MARK4: variants seen among roughly 807,000 people sequenced by gnomAD.
MARK4 encodes microtubule affinity regulating kinase 4.
A neutral mutation model predicts 81.5 loss-of-function variants in MARK4; 19 were observed. The ratio of observed to expected loss-of-function variants is 0.23; its 90% CI spans 0.16 to 0.34. The LOEUF is 0.34. Ranked by LOEUF, MARK4 falls within the 10% of genes least tolerant of loss-of-function variation. The probability of loss-of-function intolerance (pLI) is 1.00; values close to 1 mark genes in which losing one functional copy is unlikely to be tolerated. For missense variants in MARK4, 772 were observed against 1,058.8 expected, an observed-to-expected ratio of 0.73 and a Z score of 3.76; for synonymous variants, 436 against 439.0, an observed-to-expected ratio of 0.99 and a Z score of 0.08.
intron 2 of MARK4, chr19:45,262,900 G>A (rs1970397890): frequency 1.9e-6 from 1 of 534,486 alleles, no homozygotes; most frequent in Admixed American, 3.1e-5. Context: ...GAGTAGCTGG[G>A]ATTACAGGTG....
chr19:45,294,777 C>A (rs1267545426), intron 14 of MARK4, among the ~76,000 whole-genome samples: 1 of 152,174 alleles, frequency 6.6e-6, no homozygotes, highest in African/African-American at 2.4e-5. Context: ...ATCTGGTTGG[C>A]TGGTTTTCCG....
intron 12 of MARK4, among the ~76,000 whole-genome samples, chr19:45,281,862 G>A (rs933169500): frequency 6.6e-5 from 10 of 152,150 alleles, no homozygotes; most frequent in Non-Finnish European, 7.3e-5. Context: ...AGAGCTGGGC[G>A]GACAGCTGAT....
At chr19:45,283,126 C>T (rs1970697793) in intron 12 of MARK4, among the ~76,000 whole-genome samples, 1 of 151,962 alleles carries the variant, frequency 6.6e-6, no homozygotes, top group Non-Finnish European at 1.5e-5. Flanking sequence ...AATCAACTTC[C>T]AGGCAGGGCA....
chr19:45,283,229 G>A (rs927357287), intron 12 of MARK4, among the ~76,000 whole-genome samples: 11 of 151,724 alleles, frequency 7.3e-5, no homozygotes, highest in Non-Finnish European at 1.6e-4. Context: ...GCAACATGGC[G>A]AAACCCCATC....
In MARK4 at chr19:45,251,565, C is replaced by T. The variant is rs773873870; in HGVS notation, c.-24C>T. On this transcript the variant is annotated 5_prime_UTR_variant, in exon 1 of 17. Transcript: ENST00000262891. ...CCCCCGCCCCCCCCACCCGGCCGCC[C>T]CTGCCCCCCGGGACCCGGAGAAGAT... 34 of 1,343,822 alleles carry T rather than the reference C, an allele frequency of 2.5e-5. No homozygotes were observed. Among genetic ancestry groups the T allele is most frequent in the Admixed American group, 3.9e-5 (1 of 25,340 alleles). 83.2% of individuals were successfully genotyped at this position (1,343,822 alleles called of 1,614,324 possible).
At chr19:45,301,611 A>G (rs907294332) in intron 16 of MARK4, among the ~76,000 whole-genome samples, 17 of 147,038 alleles carry the variant, frequency 1.2e-4, no homozygotes, top group African/African-American at 4.3e-4. Context: ...CTGTAATCCC[A>G]GCACTTTGGG....
chr19:45,276,515 A>G (rs1970599482), intron 8 of MARK4, among the ~76,000 whole-genome samples: 1 of 151,858 alleles, frequency 6.6e-6, no homozygotes. Flanking sequence ...GGGAGGGGAG[A>G]GACGAGAAGG....
intron 13 of MARK4, among the ~76,000 whole-genome samples, chr19:45,293,315 A>G (rs1039751630): frequency 1.3e-5 from 2 of 152,190 alleles, no homozygotes; most frequent in East Asian, 1.9e-4. Flanking sequence ...GTAAAAATCA[A>G]TTAAGGAAAA....
chr19:45,294,475 G>A (rs758130644), intron 14 of MARK4, 23 bp downstream of exon 14: 1 of 1,604,034 alleles, frequency 6.2e-7, no homozygotes, highest in Non-Finnish European at 8.5e-7. Context: ...CAGCAACAGG[G>A]TGAGGGGTGG....
intron 15 of MARK4, chr19:45,298,232 G>C (rs758321955): frequency 6.2e-7 from 1 of 1,613,696 alleles, no homozygotes; most frequent in Non-Finnish European, 8.5e-7. Context: ...AGTAAGTCCC[G>C]TCCATGCCCT....
Position 45,302,367 on chromosome 19 carries a change from G to T in MARK4, c.1923-7G>T, listed in dbSNP as rs1202806326. 6.2e-7 allele frequency: 1 copy of T among 1,614,036 alleles called. No individual in the cohort carries two copies. The highest frequency in any genetic ancestry group is 8.5e-7 in the Non-Finnish European group (1 of 1,179,948). On this transcript the variant is annotated splice_region_variant and splice_polypyrimidine_tract_variant and intron_variant, in intron 16 of 16. Transcript: ENST00000262891. This position sits in a 1 kb window ranked among gnomAD's most constrained non-coding sequence, Gnocchi z 4.9. ...CATCTCTGACCCCTGACATCTTCTC[G>T]CCTCAGTTGCCATCTACCTTGGGAT...
At chr19:45,289,592 A>G (rs1599799214) in intron 13 of MARK4, among the ~76,000 whole-genome samples, 1 of 151,622 alleles carries the variant, frequency 6.6e-6, no homozygotes, top group African/African-American at 2.4e-5. Flanking sequence ...CACCATGGTG[A>G]AACCCCATTT....
intron 13 of MARK4, among the ~76,000 whole-genome samples, chr19:45,291,565 G>T (rs1970820986): frequency 6.6e-6 from 1 of 152,080 alleles, no homozygotes; most frequent in Admixed American, 6.5e-5. Context: ...GGCGGATCAC[G>T]AGGTCAGGAG....
intron 13 of MARK4, among the ~76,000 whole-genome samples, chr19:45,292,936 A>G (rs903638978): frequency 1.3e-5 from 2 of 152,044 alleles, no homozygotes; most frequent in Non-Finnish European, 2.9e-5. Flanking sequence ...AAGAGGTACA[A>G]TAAAGCAACA....
Position 45,298,056 on chromosome 19 carries a change from TTCCTCCTCCTCCTCCTCCTCGTTTCC to T in MARK4, c.1877+119_1877+144del, listed in dbSNP as rs1970913488. ...GTCTCCTGTACCCCAACATTTCCTC[TTCCTCCTCCTCCTCCTCCTCGTTTCC>T]TCCTCCTCCTCCTCCTTTCCTCCTC... On this transcript the variant is annotated intron_variant, in intron 15 of 16. Coordinates refer to ENST00000262891, the MANE Select transcript of MARK4 (RefSeq NM_001199867.2). 234 of 1,491,528 alleles carry T rather than the reference TTCCTCCTCCTCCTCCTCCTCGTTTCC, an allele frequency of 1.6e-4. No homozygotes were observed. The South Asian group carries it at 2.4e-3, about 15-fold the overall frequency. The allele number at this position is 1,491,528 out of a possible 1,614,324, so 92.4% of individuals were successfully genotyped here. A position where few individuals can be genotyped will look rare whatever the true frequency, so the allele number is the denominator to read the frequency against.
intron 7 of MARK4, among the ~76,000 whole-genome samples, chr19:45,270,794 G>T (rs754806238): frequency 6.6e-6 from 1 of 151,822 alleles, no homozygotes; most frequent in African/African-American, 2.4e-5. Flanking sequence ...TTTTGAGACG[G>T]AGTTTCGCTC....
chr19:45,278,465 TG>T, intron 9 of MARK4, 50 bp from the exon 10 acceptor site: 1 of 1,502,246 alleles, frequency 6.7e-7, no homozygotes, highest in Non-Finnish European at 9.3e-7. Flanking sequence ...GTATGATTTC[TG>T]GTTCCTTCTG....
At chr19:45,298,080 T>G in intron 15 of MARK4, 126 bp downstream of exon 15, 2 of 1,339,920 alleles carry the variant, frequency 1.5e-6, no homozygotes, top group Non-Finnish European at 2.0e-6. Flanking sequence ...CCTCCTCGTT[T>G]CCTCCTCCTC....
chr19:45,284,998 G>A (rs1048162730), intron 12 of MARK4, among the ~76,000 whole-genome samples: 1 of 152,156 alleles, frequency 6.6e-6, no homozygotes, highest in Non-Finnish European at 1.5e-5. Context: ...GGCTGAGGCA[G>A]GAGAATTGCT....
Sources: gnomAD v4.1 joint callset for allele counts (sites outside exome capture counted in the v4.1 genomes callset) on GRCh38, gnomAD v4.1.1 for gene constraint, Gnocchi (gnomAD v3.1) non-coding constraint, MANE v1.5 for transcripts, NCBI Gene and HGNC (gene_info 2026-07-23, HGNC 2026-07-21) for gene names.